Variants in CDH23 observed in about 807,000 individuals in gnomAD.
CDH23 encodes cadherin related 23.
Under a neutral mutation model 317.1 loss-of-function variants are expected in CDH23, and 189 were observed. That is an observed-to-expected ratio of 0.60 (90% CI 0.53 to 0.67). CDH23 has a LOEUF of 0.67. Ranked by LOEUF, CDH23 falls within the 30% of genes least tolerant of loss-of-function variation. CDH23 has a pLI of 0.00. For synonymous variants in CDH23, 1,839 were observed against 1,876.8 expected (o/e 0.98, Z 0.52); for missense variants, 4,401 against 4,592.4 (o/e 0.96, Z 1.20).
At chr10:71,657,551 G>T (rs1863469258) in intron 14 of CDH23, among the ~76,000 whole-genome samples, 12 of 152,166 alleles carry the variant, frequency 7.9e-5, no homozygotes, top group Admixed American at 7.9e-4. Flanking sequence ...TGATAACAGG[G>T]CCCAAGAGGT....
At chr10:71,566,683 T>C (rs1051503151) in intron 6 of CDH23, 59 bp from the exon 7 acceptor site, 66 of 1,473,334 alleles carry the variant, frequency 4.5e-5, no homozygotes, top group Non-Finnish European at 4.7e-5. Context: ...GACTCAGCCC[T>C]GATGGCGCAG....
At chr10:71,648,394 A>T (rs2076863273) in intron 14 of CDH23, among the ~76,000 whole-genome samples, 1 of 152,158 alleles carries the variant, frequency 6.6e-6, no homozygotes, top group East Asian at 1.9e-4. Flanking sequence ...CTCAGAGTGG[A>T]GGGGAGGCTC....
intron 1 of CDH23, among the ~76,000 whole-genome samples, chr10:71,403,210 G>C (rs545564414): frequency 3.9e-5 from 6 of 152,068 alleles, no homozygotes; most frequent in African/African-American, 9.6e-5. Flanking sequence ...TTGCTGATTA[G>C]AACTGGCAAC....
intron 37 of CDH23, among the ~76,000 whole-genome samples, chr10:71,741,195 A>G (rs905761074): frequency 6.6e-6 from 1 of 152,240 alleles, no homozygotes; most frequent in African/African-American, 2.4e-5. Flanking sequence ...ACCAGACAGG[A>G]AACTGAGGTT....
At chr10:71,642,485 G>A (rs113502945) in intron 11 of CDH23, among the ~76,000 whole-genome samples, 2,923 of 132,158 alleles carry the variant, frequency 0.022, 122 homozygotes, top group African/African-American at 0.078. Flanking sequence ...TCCAACCTCC[G>A]CCTCCCGGCT....
At chr10:71,615,473 G>A (rs780407162) in intron 9 of CDH23, 31 bp from the exon 10 acceptor site, 6 of 1,550,140 alleles carry the variant, frequency 3.9e-6, no homozygotes, top group Admixed American at 1.7e-5. Context: ...CCCTGTGCCT[G>A]GTCACACCTG....
chr10:71,716,147 A>G, intron 28 of CDH23: 2 of 1,550,462 alleles, frequency 1.3e-6, no homozygotes, highest in Non-Finnish European at 1.7e-6. Context: ...GCTCGGGTCC[A>G]GCGCGGCCGG....
chr10:71,809,705 G>T, intron 60 of CDH23, 115 bp from the exon 61 acceptor site: 1 of 1,431,160 alleles, frequency 7.0e-7, no homozygotes. Flanking sequence ...TGTGCCCTGT[G>T]GGCATTTGTG....
chr10:71,813,134 G>A, intron 68 of CDH23, 110 bp from the exon 69 acceptor site: 1 of 1,181,354 alleles, frequency 8.5e-7, no homozygotes, highest in Non-Finnish European at 1.2e-6. Context: ...CTCTGCCCTA[G>A]GATCACCAGG....
intron 3 of CDH23, among the ~76,000 whole-genome samples, chr10:71,475,085 G>T (rs1851718638): frequency 6.6e-6 from 1 of 152,226 alleles, no homozygotes; most frequent in Non-Finnish European, 1.5e-5. Context: ...GCCCTGCAGG[G>T]TGCCTTCCAG....
At chr10:71,535,397 A>G (rs966351298) in intron 6 of CDH23, among the ~76,000 whole-genome samples, 1 of 152,164 alleles carries the variant, frequency 6.6e-6, no homozygotes, top group East Asian at 1.9e-4. Context: ...GAGTCTTCGG[A>G]ACCATGAGCA....
intron 3 of CDH23, among the ~76,000 whole-genome samples, chr10:71,468,133 T>C (rs1197383454): frequency 6.6e-6 from 1 of 152,116 alleles, no homozygotes; most frequent in East Asian, 1.9e-4. Context: ...TCCTCCTCTG[T>C]CCCCAGTTCC....
intron 1 of CDH23, among the ~76,000 whole-genome samples, chr10:71,398,179 C>T (rs910586402): frequency 2.6e-5 from 4 of 152,332 alleles, no homozygotes; most frequent in African/African-American, 9.6e-5. Context: ...GATCCGATGC[C>T]AGCCGCCGCC....
rs368420886 is a variant in CDH23, at chr10:71,672,287, T to C, written c.1450-2825T>C. Reference sequence around the variant, plus strand: ...GAGGCTAGACATTCAGGGCCGACAATGTGTGTAGGAGGGGAGGGGTTTTCC... The same window carrying C: ...GAGGCTAGACATTCAGGGCCGACAACGTGTGTAGGAGGGGAGGGGTTTTCC... On this transcript the variant is annotated intron_variant, in intron 14 of 69. Transcript: ENST00000224721. Among the ~76,000 whole-genome samples the C allele has an allele frequency of 3.3e-5, 5 of 152,068 alleles. No individual in the cohort carries two copies. In the East Asian group the frequency reaches 9.7e-4, roughly 29 times the overall value.
intron 14 of CDH23, among the ~76,000 whole-genome samples, chr10:71,656,382 T>C (rs1403374286): frequency 6.6e-6 from 1 of 152,010 alleles, no homozygotes; most frequent in African/African-American, 2.4e-5. Context: ...GATCGTCTGC[T>C]CTCCTCCTTC....
At chr10:71,431,873 C>T (rs912958647) in intron 1 of CDH23, among the ~76,000 whole-genome samples, 3 of 152,212 alleles carry the variant, frequency 2.0e-5, no homozygotes, top group South Asian at 2.1e-4. Context: ...GAGATGGTCA[C>T]GGTGGGGGCC....
At chr10:71,529,293 C>G (rs924142214) in intron 6 of CDH23, among the ~76,000 whole-genome samples, 5 of 152,184 alleles carry the variant, frequency 3.3e-5, no homozygotes, top group Admixed American at 1.3e-4. Context: ...AGATGTTCAA[C>G]ACAGGACTCA....
chr10:71,646,263 C>T (rs1862851937), intron 13 of CDH23, among the ~76,000 whole-genome samples, 196 bp from the exon 14 acceptor site: 2 of 152,230 alleles, frequency 1.3e-5, no homozygotes, highest in Admixed American at 1.3e-4. Flanking sequence ...GCTAGCTCCT[C>T]CTGCCCTAGC....
chr10:71,679,305 C>CCCCTACCACCCAGCTG, intron 16 of CDH23, 82 bp from the exon 17 acceptor site: 2 of 803,458 alleles, frequency 2.5e-6, no homozygotes, highest in Non-Finnish European at 2.1e-6. Context: ...GGCCAGTCTT[C>CCCCTACCACCCAGCTG]CCCACCCTCC....
Sources: gnomAD v4.1 joint callset for allele counts (sites outside exome capture counted in the v4.1 genomes callset) on GRCh38, gnomAD v4.1.1 for gene constraint, MANE v1.5 for transcripts, NCBI Gene and HGNC (gene_info 2026-07-23, HGNC 2026-07-21) for gene names.